The following DRC5 variants were observed in gnomAD, a reference collection of about 807,000 sequenced individuals.
DRC5 encodes dynein regulatory complex subunit 5.
the DRC5 span, among the ~76,000 whole-genome samples, chr6:44,295,043 C>T: frequency 6.6e-6 from 1 of 152,174 alleles, no homozygotes; most frequent in Non-Finnish European, 1.5e-5. Context: ...TCCCCAAGGA[C>T]CCACAGAGGG....
chr6:44,281,058 T>C, the DRC5 span, among the ~76,000 whole-genome samples: 4 of 152,298 alleles, frequency 2.6e-5, no homozygotes, highest in Middle Eastern at 3.4e-3. Context: ...CACGTGTGTG[T>C]GCGTGTATGT....
At chr6:44,282,417 A>C in the DRC5 span, 1 of 1,614,068 alleles carries the variant, frequency 6.2e-7, no homozygotes, top group Non-Finnish European at 8.5e-7. Context: ...GTGGCTCAGC[A>C]GCTTGGCAGC....
the DRC5 span, chr6:44,278,775 A>C: frequency 1.3e-5 from 2 of 152,200 alleles, no homozygotes; most frequent in African/African-American, 2.4e-5. Context: ...TGCCAGGGAA[A>C]ATGAAAACCA....
At chr6:44,285,819 C>T in the DRC5 span, 1 of 751,412 alleles carries the variant, frequency 1.3e-6, no homozygotes, top group East Asian at 2.7e-5. Flanking sequence ...AACCGTGTAT[C>T]TTGGTGCAGG....
At chr6:44,295,500 T>C in the DRC5 span, among the ~76,000 whole-genome samples, 1 of 152,312 alleles carries the variant, frequency 6.6e-6, no homozygotes, top group Non-Finnish European at 1.5e-5. Context: ...ACAACGTCTA[T>C]ACCAGGACAT....
the DRC5 span, among the ~76,000 whole-genome samples, chr6:44,295,494 C>T: frequency 2.0e-5 from 3 of 152,298 alleles, no homozygotes; most frequent in African/African-American, 4.8e-5. Context: ...CAGGGAACAA[C>T]GTCTATACCA....
the DRC5 span, among the ~76,000 whole-genome samples, chr6:44,281,644 C>T: frequency 6.6e-6 from 1 of 152,246 alleles, no homozygotes; most frequent in African/African-American, 2.4e-5. Context: ...CTCAGCCTCC[C>T]AAAGTGCTGG....
chr6:44,286,398 G>C, the DRC5 span: 21 of 1,614,044 alleles, frequency 1.3e-5, no homozygotes, highest in Non-Finnish European at 1.6e-5. Context: ...ACGGGCCAGC[G>C]ATGCATGCAG....
At chr6:44,281,778 T>C in the DRC5 span, among the ~76,000 whole-genome samples, 1 of 152,244 alleles carries the variant, frequency 6.6e-6, no homozygotes, top group Non-Finnish European at 1.5e-5. Flanking sequence ...ATCTTGGGTT[T>C]GAATCGTAGC....
the DRC5 span, chr6:44,287,765 G>T: frequency 1.2e-6 from 2 of 1,614,196 alleles, no homozygotes; most frequent in Non-Finnish European, 1.7e-6. Flanking sequence ...GAATTGTCCT[G>T]GGTGGAGACT....
At chr6:44,286,161 C>T in the DRC5 span, 1 of 1,613,596 alleles carries the variant, frequency 6.2e-7, no homozygotes, top group Non-Finnish European at 8.5e-7. Context: ...ATCTCTCCCT[C>T]GCTGCCTGAG....
chr6:44,293,105 G>T, the DRC5 span, among the ~76,000 whole-genome samples: 1 of 152,082 alleles, frequency 6.6e-6, no homozygotes, highest in Admixed American at 6.5e-5. Context: ...AGTTCAATGG[G>T]ATAGCTGAGA....
the DRC5 span, among the ~76,000 whole-genome samples, chr6:44,284,850 A>C: frequency 6.6e-6 from 1 of 152,218 alleles, no homozygotes; most frequent in Non-Finnish European, 1.5e-5. Context: ...GGTAATCTGC[A>C]TGTCCACTGC....
the DRC5 span, among the ~76,000 whole-genome samples, chr6:44,295,747 G>C: frequency 6.6e-6 from 1 of 152,246 alleles, no homozygotes; most frequent in African/African-American, 2.4e-5. Context: ...AAGTACTCAG[G>C]AGTTGTGCTG....
the DRC5 span, among the ~76,000 whole-genome samples, chr6:44,296,941 G>GCCAGTTCACTTACAACAGCCCCTGGACT: frequency 6.7e-6 from 1 of 150,338 alleles, no homozygotes; most frequent in Non-Finnish European, 1.5e-5. Flanking sequence ...GCCTCGGCCC[G>GCCAGTTCACTTACAACAGCCCCTGGACT]TGTGCTTGGA....
the DRC5 span, among the ~76,000 whole-genome samples, chr6:44,291,330 T>C: frequency 6.6e-6 from 1 of 152,238 alleles, no homozygotes; most frequent in East Asian, 1.9e-4. Context: ...ACAAGATTCT[T>C]CTAAGGAGGA....
At chr6:44,287,691 G>A in the DRC5 span, 2 of 1,614,256 alleles carry the variant, frequency 1.2e-6, no homozygotes, top group Non-Finnish European at 1.7e-6. Context: ...ACTTTGCAGG[G>A]ACTGGTGTGA....
chr6:44,285,519 C>G, the DRC5 span, among the ~76,000 whole-genome samples: 1 of 152,190 alleles, frequency 6.6e-6, no homozygotes. Flanking sequence ...CCTCCTCAGT[C>G]TCTGGAAGAC....
the DRC5 span, among the ~76,000 whole-genome samples, chr6:44,294,772 C>CCAAA: frequency 1.1e-5 from 1 of 88,784 alleles, no homozygotes; most frequent in Non-Finnish European, 2.1e-5. Context: ...AACTCTGTCT[C>CCAAA]AAAAAAAAAA....
Sources: allele counts gnomAD v4.1 joint callset (sites outside exome capture counted in the v4.1 genomes callset), GRCh38; gene constraint gnomAD v4.1.1; transcripts MANE v1.5; gene names NCBI Gene and HGNC (gene_info 2026-07-23, HGNC 2026-07-21).